Variants in SNX29 observed in about 807,000 individuals in gnomAD.
SNX29 encodes the protein sorting nexin-29.
SNX29 carries 78 observed loss-of-function variants against 102.1 expected under a neutral mutation model. That is an observed-to-expected ratio of 0.76 (90% CI 0.64 to 0.92). The LOEUF is 0.92. Ranked by LOEUF, SNX29 falls within the 40% of genes least tolerant of loss-of-function variation. SNX29 has a pLI of 0.00. For missense variants in SNX29, 1,280 were observed against 1,061.7 expected (o/e 1.21, Z -2.86); for synonymous variants, 580 against 414.5 (o/e 1.40, Z -4.85).
chr16:12,103,464 G>A (rs2053103164), intron 11 of SNX29, among the ~76,000 whole-genome samples: 1 of 152,162 alleles, frequency 6.6e-6, no homozygotes, highest in South Asian at 2.1e-4. Flanking sequence ...TTTAATAAAT[G>A]GTGCTGGGAA....
intron 20 of SNX29, among the ~76,000 whole-genome samples, chr16:12,565,332 G>A (rs954562194): frequency 1.3e-5 from 2 of 152,130 alleles, no homozygotes; most frequent in Non-Finnish European, 2.9e-5. Flanking sequence ...CAGCAGTCTG[G>A]GTTTTCCATC....
In SNX29 at chr16:12,187,337, A is replaced by T. The variant is rs530587061; in HGVS notation, c.1596-12264A>T. Among the ~76,000 whole-genome samples the T allele has an allele frequency of 3.3e-5, 5 of 152,302 alleles. No individual in the cohort carries two copies. The South Asian group carries it at 1.0e-3, about 32-fold the overall frequency. ...CACTTTGGGAGGCCAAGGCGGGTAG[A>T]TCGTGTGAGGCCAGGAGTTTCAGTC... is the stretch of plus-strand genomic sequence containing the variant. On this transcript the variant is annotated intron_variant, in intron 13 of 20. Transcript: ENST00000566228.
intron 11 of SNX29, chr16:12,087,828 T>A (rs1208836254): frequency 2.2e-6 from 1 of 456,810 alleles, no homozygotes; most frequent in African/African-American, 2.0e-5. Context: ...CCTCTTTCCC[T>A]CTTCCTCCTG....
intron 15 of SNX29, among the ~76,000 whole-genome samples, chr16:12,286,586 C>T (rs534948057): frequency 1.3e-5 from 2 of 152,138 alleles, no homozygotes; most frequent in African/African-American, 4.8e-5. Flanking sequence ...ACCTCATGAT[C>T]CACCCGCCTT....
chr16:12,228,797 G>T (rs1217801966), intron 14 of SNX29, among the ~76,000 whole-genome samples: 1 of 152,186 alleles, frequency 6.6e-6, no homozygotes, highest in Non-Finnish European at 1.5e-5. Context: ...CACTGTCCAC[G>T]TGAAAAAGCT....
intron 20 of SNX29, among the ~76,000 whole-genome samples, chr16:12,553,456 C>A (rs983195509): frequency 6.6e-6 from 1 of 152,108 alleles, no homozygotes; most frequent in Non-Finnish European, 1.5e-5. Context: ...TGGTGTAGAC[C>A]AGCTCAGACC....
At chr16:12,344,595 G>A (rs2081729386) in intron 15 of SNX29, among the ~76,000 whole-genome samples, 1 of 152,236 alleles carries the variant, frequency 6.6e-6, no homozygotes, top group South Asian at 2.1e-4. Context: ...TTCTTAAGAA[G>A]GAGCCATGGA....
chr16:12,458,633 G>A (rs1186299694), intron 18 of SNX29, among the ~76,000 whole-genome samples: 1 of 152,210 alleles, frequency 6.6e-6, no homozygotes, highest in Non-Finnish European at 1.5e-5. Context: ...CAGTCACGGC[G>A]AAGGATACAG....
chr16:12,009,581 A>G (rs531219525), intron 3 of SNX29, among the ~76,000 whole-genome samples: 1 of 152,190 alleles, frequency 6.6e-6, no homozygotes, highest in East Asian at 1.9e-4. Context: ...GGGGAAATGC[A>G]GGCGAGACTT....
intron 14 of SNX29, among the ~76,000 whole-genome samples, chr16:12,267,243 C>CGTGTGTGT (rs2078955887): frequency 1.3e-5 from 1 of 78,318 alleles, no homozygotes; most frequent in African/African-American, 6.9e-5. Context: ...AGCATGGGTG[C>CGTGTGTGT]GAGTGTGTGT....
chr16:12,031,442 C>G (rs2057340006), intron 4 of SNX29, among the ~76,000 whole-genome samples: 1 of 152,048 alleles, frequency 6.6e-6, no homozygotes, highest in African/African-American at 2.4e-5. Context: ...CAGTTCTTTC[C>G]CTTCTGCTAC....
At chr16:12,159,842 G>A (rs888606818) in intron 13 of SNX29, among the ~76,000 whole-genome samples, 11 of 152,206 alleles carry the variant, frequency 7.2e-5, no homozygotes, top group African/African-American at 2.7e-4. Context: ...GTCCTTTGCT[G>A]CTACTCCCTT....
At chr16:12,542,325 G>A (rs755076879) in intron 20 of SNX29, among the ~76,000 whole-genome samples, 1 of 152,218 alleles carries the variant, frequency 6.6e-6, no homozygotes, top group Non-Finnish European at 1.5e-5. Flanking sequence ...TAGAGCTGCT[G>A]TTAGAGCAAG....
chr16:12,495,837 T>C (rs1313407846), intron 19 of SNX29, among the ~76,000 whole-genome samples: 1 of 152,134 alleles, frequency 6.6e-6, no homozygotes, highest in Non-Finnish European at 1.5e-5. Context: ...GTGGATCACT[T>C]GAGGTCAGGT....
chr16:12,534,777 G>A (rs1415804087), intron 20 of SNX29, among the ~76,000 whole-genome samples: 1 of 152,120 alleles, frequency 6.6e-6, no homozygotes, highest in African/African-American at 2.4e-5. Flanking sequence ...CTACCCCTCT[G>A]GTTTTTAACT....
At chr16:12,558,076 C>T (rs146026600) in intron 20 of SNX29, among the ~76,000 whole-genome samples, 151 of 152,324 alleles carry the variant, frequency 9.9e-4, no homozygotes, top group Non-Finnish European at 5.3e-4. Flanking sequence ...GTGCTCTGAA[C>T]ATCCCATGCA....
chr16:12,515,067 G>A (rs910839736), intron 19 of SNX29, among the ~76,000 whole-genome samples: 5 of 152,088 alleles, frequency 3.3e-5, no homozygotes, highest in African/African-American at 9.7e-5. Context: ...GCTAGTGACG[G>A]CTCCTCCTGC....
At chr16:12,119,401 G>A (rs1937792327) in intron 11 of SNX29, among the ~76,000 whole-genome samples, 1 of 152,122 alleles carries the variant, frequency 6.6e-6, no homozygotes, top group South Asian at 2.1e-4. Context: ...TTACAAATCT[G>A]GAAAAGTTAA....
chr16:12,253,700 G>C (rs963313922), intron 14 of SNX29, among the ~76,000 whole-genome samples: 2 of 152,156 alleles, frequency 1.3e-5, no homozygotes, highest in African/African-American at 4.8e-5. Context: ...ATCCCCTGGG[G>C]CCTGGTGAGG....
Sources: gnomAD v4.1 joint callset for allele counts (sites outside exome capture counted in the v4.1 genomes callset) on GRCh38, gnomAD v4.1.1 for gene constraint, MANE v1.5 for transcripts, NCBI Gene and HGNC (gene_info 2026-07-23, HGNC 2026-07-21) for gene names.